Variants in KIF1B observed in about 807,000 individuals in gnomAD.
KIF1B encodes the protein kinesin-like protein KIF1B.
KIF1B carries 76 observed loss-of-function variants against 241.9 expected under a neutral mutation model. The ratio of observed to expected loss-of-function variants is 0.31; its 90% CI spans 0.26 to 0.38. KIF1B has a LOEUF of 0.38. Ranked by LOEUF, KIF1B falls within the 10% of genes least tolerant of loss-of-function variation. The pLI is 1.00. For missense variants in KIF1B, 1,622 were observed against 2,271.4 expected (o/e 0.71, Z 5.81); for synonymous variants, 750 against 796.7 (o/e 0.94, Z 0.99).
chr1:10,362,515 AAAG>A (rs1638451563), intron 40 of KIF1B, among the ~76,000 whole-genome samples: 1 of 151,180 alleles, frequency 6.6e-6, no homozygotes, highest in African/African-American at 2.4e-5. Context: ...AAAAAAAAAA[AAAG>A]AAAGAAACAA....
chr1:10,256,375 C>G, intron 3 of KIF1B, 52 bp downstream of exon 3: 1 of 1,255,204 alleles, frequency 8.0e-7, no homozygotes, highest in Non-Finnish European at 1.2e-6. Flanking sequence ...TTTCCTCTTT[C>G]CTTGCCGATT....
In KIF1B at chr1:10,326,168, C is replaced by A. The variant is rs746863711; in HGVS notation, c.2733C>A (p.Pro911=). The A allele has an allele frequency of 1.3e-5, 21 of 1,614,068 alleles. No homozygotes were observed. Among genetic ancestry groups the A allele is most frequent in the Non-Finnish European group, 1.5e-5 (18 of 1,180,032 alleles). The part of the protein sequence containing the change: ...NERLADRTPS[P]TFSTADSDIT... Reference sequence around the variant, plus strand: ...GCCTTGCCGACCGCACACCCTCCCCCACTTTTTCCACGGCCGATTCCGACA... The same window carrying A: ...GCCTTGCCGACCGCACACCCTCCCCAACTTTTTCCACGGCCGATTCCGACA... The change falls in exon 27 of 49, where the codon CCC becomes CCA. Residue 911 remains proline (P), a synonymous_variant. Transcript: ENST00000676179. The surrounding 1 kb of genome is among the most constrained non-coding windows in gnomAD (Gnocchi z 5.2).
intron 4 of KIF1B, among the ~76,000 whole-genome samples, chr1:10,259,503 AAAT>A (rs1438008275): frequency 6.8e-6 from 1 of 147,210 alleles, no homozygotes; most frequent in East Asian, 2.0e-4. Context: ...AAAAAAAAAA[AAAT>A]TTTTTTTTTT....
At position 10,262,007 on chromosome 1, in the gene KIF1B, T is replaced by G. The variant is rs983483844; in HGVS notation, c.429+37T>G. ...CGTGAGTTGACACCGTAAGCCCTTG[T>G]TTTCCATTCTCTCAAGCATCACTTA... On this transcript the variant is annotated intron_variant, in intron 5 of 48. Transcript: ENST00000676179. The G allele has an allele frequency of 2.9e-6, 4 of 1,375,884 alleles. No individual in the cohort carries two copies. The African/African-American group carries it at 5.7e-5, about 20-fold the overall frequency. 85.2% of individuals were successfully genotyped at this position (1,375,884 alleles called of 1,614,324 possible). A position where few individuals can be genotyped will look rare whatever the true frequency, so the allele number is the denominator to read the frequency against.
In KIF1B at chr1:10,378,011, C is replaced by T; in HGVS notation, c.*1424C>T. The T allele has an allele frequency of 3.0e-6, 1 of 328,622 alleles. No homozygotes were observed. The highest frequency in any genetic ancestry group is 5.6e-6 in the Non-Finnish European group (1 of 177,640). The allele number at this position is 328,622 out of a possible 1,614,324, so 20.4% of individuals were successfully genotyped here. A position where few individuals can be genotyped will look rare whatever the true frequency, so the allele number is the denominator to read the frequency against. ...GCTCCCTTTGATCAAAGAAATATAGCTTTCAGGCATAAACCTGGAAGTCTC... is the reference window on the plus strand; with the variant it reads ...GCTCCCTTTGATCAAAGAAATATAGTTTTCAGGCATAAACCTGGAAGTCTC... On this transcript the variant is annotated 3_prime_UTR_variant, in exon 49 of 49. Transcript: ENST00000676179.
intron 40 of KIF1B, among the ~76,000 whole-genome samples, chr1:10,363,034 T>C (rs1449927802): frequency 6.6e-6 from 1 of 152,146 alleles, no homozygotes; most frequent in Non-Finnish European, 1.5e-5. Context: ...ATTACATCAC[T>C]GCACTCCAGC....
In KIF1B at chr1:10,276,246, A is replaced by G. The variant is rs1290487345; in HGVS notation, c.959-75A>G. 32 of 932,912 alleles carry G rather than the reference A, an allele frequency of 3.4e-5. 1 individual carries two copies. In the East Asian group the frequency reaches 7.3e-4, roughly 21 times the overall value. The allele number at this position is 932,912 out of a possible 1,614,324, so 57.8% of individuals were successfully genotyped here. A position where few individuals can be genotyped will look rare whatever the true frequency, so the allele number is the denominator to read the frequency against. ...AAATCTTAGGATCTGAGATTACAATATCAGATTTGACACATTCCATAAAAT... is the reference window on the plus strand; with the variant it reads ...AAATCTTAGGATCTGAGATTACAATGTCAGATTTGACACATTCCATAAAAT... On this transcript the variant is annotated intron_variant, in intron 11 of 48. Coordinates refer to ENST00000676179, the MANE Select transcript of KIF1B (RefSeq NM_001365951.3).
chr1:10,279,668 T>TCTCC (rs1649302885), intron 14 of KIF1B, among the ~76,000 whole-genome samples: 1 of 149,720 alleles, frequency 6.7e-6, no homozygotes, highest in African/African-American at 2.5e-5. Context: ...GGCCTCGGAA[T>TCTCC]GATTAGATAA....
intron 41 of KIF1B, 100 bp downstream of exon 41, chr1:10,363,444 C>T (rs1463460120): frequency 8.6e-6 from 9 of 1,051,518 alleles, no homozygotes; most frequent in African/African-American, 4.7e-5. Flanking sequence ...GTAATCCCAG[C>T]GCTTTGGGAG....
At chr1:10,305,858 T>G (rs1650803066) in intron 22 of KIF1B, 1 of 1,052,470 alleles carries the variant, frequency 9.5e-7, no homozygotes, top group African/African-American at 1.7e-5. Context: ...TCAAAAAGTT[T>G]TCTAAGAGGC....
Position 10,378,100 on chromosome 1 carries a change from C to G in KIF1B, c.*1513C>G. The G allele has an allele frequency of 3.5e-6, 2 of 566,316 alleles. No homozygotes were observed. Among genetic ancestry groups the G allele is most frequent in the Non-Finnish European group, 3.1e-6 (1 of 317,580 alleles). The allele number at this position is 566,316 out of a possible 1,614,324, so 35.1% of individuals were successfully genotyped here. ...GGTTGAAGATGCTTTCAGTGATGCT[C>G]TCTATACTCATAAATAAGCAAATGT... On this transcript the variant is annotated 3_prime_UTR_variant, in exon 49 of 49. Coordinates refer to ENST00000676179, the MANE Select transcript of KIF1B (RefSeq NM_001365951.3).
At chr1:10,300,395 A>G (rs537570660) in intron 22 of KIF1B, among the ~76,000 whole-genome samples, 4 of 152,010 alleles carry the variant, frequency 2.6e-5, no homozygotes, top group African/African-American at 9.6e-5. Context: ...TAAAGAGGAC[A>G]TACTCTACAG....
chr1:10,243,624 A>G (rs534654605), intron 2 of KIF1B, among the ~76,000 whole-genome samples: 7 of 152,324 alleles, frequency 4.6e-5, no homozygotes, highest in South Asian at 4.1e-4. Context: ...CTGGGCTCAC[A>G]TATCTATTAA....
Position 10,256,268 on chromosome 1 carries a change from C to T in KIF1B, c.128C>T (p.Pro43Leu), listed in dbSNP as rs143000567. ...NSTSIINPKN[P>L]KEAPKSFSFD... Reference sequence around the variant, plus strand: ...CTAGGTATTATTAACCCAAAGAATCCAAAGGAAGCTCCAAAGTCCTTCAGC... The same window carrying T: ...CTAGGTATTATTAACCCAAAGAATCTAAAGGAAGCTCCAAAGTCCTTCAGC... The change falls in exon 3 of 49, where the codon CCA (proline) becomes CTA (leucine). Residue 43 changes from proline to leucine, a missense_variant. Pro to Leu is a moderately conservative substitution (Grantham distance 98). Coordinates refer to ENST00000676179, the MANE Select transcript of KIF1B (RefSeq NM_001365951.3). 1.2e-6 allele frequency: 2 copies of T among 1,610,760 alleles called. No homozygotes were observed. The highest frequency in any genetic ancestry group is 1.3e-5 in the African/African-American group (1 of 74,936).
chr1:10,378,247 C>G lies in KIF1B; in HGVS notation c.*1660C>G. On this transcript the variant is annotated 3_prime_UTR_variant, in exon 49 of 49. Transcript: ENST00000676179. The stretch of plus-strand genomic sequence containing the variant: ...GGAGCCCGGGCCCCAGGCTTTGTTG[C>G]GTGTTCCCTGCTCCTCTCCATCTGG... The G allele has an allele frequency of 7.1e-6, 5 of 707,540 alleles. No individual in the cohort carries two copies. The highest frequency in any genetic ancestry group is 6.0e-5 in the South Asian group (4 of 66,544). 43.8% of individuals were successfully genotyped at this position (707,540 alleles called of 1,614,324 possible).
chr1:10,285,545 A>G (rs1302248413), intron 15 of KIF1B, among the ~76,000 whole-genome samples: 1 of 152,228 alleles, frequency 6.6e-6, no homozygotes. Flanking sequence ...CTCTGTTTTA[A>G]TTCTTCCTTA....
At chr1:10,316,815 T>C (rs186324825) in intron 22 of KIF1B, among the ~76,000 whole-genome samples, 3 of 151,812 alleles carry the variant, frequency 2.0e-5, no homozygotes, top group Admixed American at 6.5e-5. Context: ...TTTTAGTATT[T>C]ATTATCCTTT....
intron 2 of KIF1B, among the ~76,000 whole-genome samples, chr1:10,251,826 G>A (rs553162762): frequency 6.6e-6 from 1 of 152,206 alleles, no homozygotes; most frequent in Admixed American, 6.5e-5. Context: ...CTAGAGGCTA[G>A]GAGTGTTTAT....
chr1:10,267,700 A>G (rs957275518), intron 6 of KIF1B, 142 bp downstream of exon 6: 3 of 743,604 alleles, frequency 4.0e-6, no homozygotes, highest in Non-Finnish European at 4.7e-6. Context: ...CTGTGCTGTA[A>G]CAGTGAGGGC....
Sources: allele counts gnomAD v4.1 joint callset (sites outside exome capture counted in the v4.1 genomes callset), GRCh38; gene constraint gnomAD v4.1.1; non-coding constraint Gnocchi (gnomAD v3.1); transcripts MANE v1.5; gene names NCBI Gene and HGNC (gene_info 2026-07-23, HGNC 2026-07-21).